The following UGGT2 variants were observed in gnomAD, a reference collection of about 807,000 sequenced individuals.
UGGT2 encodes UDP-glucose:glycoprotein glucosyltransferase 2.
A neutral mutation model predicts 192.1 loss-of-function variants in UGGT2; 180 were observed. The ratio of observed to expected loss-of-function variants is 0.94; its 90% CI spans 0.83 to 1.06. The LOEUF (loss-of-function observed/expected upper bound fraction) is 1.06, where lower values mean the gene tolerates loss of function less well. Ranked by LOEUF, UGGT2 falls within the 50% of genes least tolerant of loss-of-function variation. UGGT2 has a pLI of 0.00. For missense variants in UGGT2, 1,849 were observed against 1,795.7 expected (o/e 1.03, Z -0.54); for synonymous variants, 580 against 591.0 (o/e 0.98, Z 0.27).
chr13:95,884,641 C>T lies in UGGT2; in HGVS notation c.3078G>A (p.Gly1026=). Residue 1026 remains glycine, a synonymous_variant, in exon 27 of 39, where the codon GGG becomes GGA. Coordinates refer to ENST00000376747, the MANE Select transcript of UGGT2 (RefSeq NM_020121.4). ...RFVLEPELMS[G]ANDVSSLGPV... ...GTCCAAGAGAAGAAACGTCATTAGC[C>T]CCTGACATCAGTTCTGGTTCCAGAA... 1.2e-6 allele frequency: 2 copies of T among 1,613,376 alleles called. No homozygotes were observed. Among genetic ancestry groups the T allele is most frequent in the Non-Finnish European group, 1.7e-6 (2 of 1,179,612 alleles).
At chr13:95,884,782 T>A in intron 26 of UGGT2, 102 bp from the exon 27 acceptor site, 2 of 1,176,340 alleles carry the variant, frequency 1.7e-6, no homozygotes, top group African/African-American at 1.6e-5. Context: ...ACCAGAAGTC[T>A]ACAATCAAAA....
chr13:95,991,465 T>C lies in UGGT2; in HGVS notation c.831-1392A>G, dbSNP rs1333510293. ...GAAAACACGTATTTTCAATAGTCAA[T>C]AGACAAGCCTTTGAAAAGTGAAATA... On this transcript the variant is annotated intron_variant, in intron 7 of 38. Transcript: ENST00000376747. 8.8e-6 allele frequency: 4 copies of C among 454,692 alleles called. No homozygotes were observed. In the East Asian group the frequency reaches 2.8e-4, roughly 32 times the overall value. The allele number at this position is 454,692 out of a possible 1,614,324, so 28.2% of individuals were successfully genotyped here. A position where few individuals can be genotyped will look rare whatever the true frequency, so the allele number is the denominator to read the frequency against.
intron 5 of UGGT2, among the ~76,000 whole-genome samples, chr13:96,002,740 C>G (rs913082730): frequency 6.6e-6 from 1 of 152,146 alleles, no homozygotes; most frequent in Non-Finnish European, 1.5e-5. Context: ...ATGTGAAGAA[C>G]ACTGAGGGAA....
In UGGT2 at chr13:95,801,721, C is replaced by T. The variant is rs1396928137; in HGVS notation, c.*69G>A. The T allele has an allele frequency of 1.4e-5, 21 of 1,552,592 alleles. No homozygotes were observed. Among genetic ancestry groups the T allele is most frequent in the Non-Finnish European group, 4.4e-6 (5 of 1,133,898 alleles). ...GACTTCCAAATCGTCTCAGCAGGGG[C>T]TCCAGACTTCCCCAGCAGGCGGCAG... is the stretch of plus-strand genomic sequence containing the variant. On this transcript the variant is annotated 3_prime_UTR_variant, in exon 39 of 39. Transcript: ENST00000376747.
At position 96,053,375 on chromosome 13, in the gene UGGT2, T is replaced by G; in HGVS notation, c.-63A>C. On this transcript the variant is annotated 5_prime_UTR_variant, in exon 1 of 39. Coordinates refer to ENST00000376747, the MANE Select transcript of UGGT2 (RefSeq NM_020121.4). The stretch of plus-strand genomic sequence containing the variant: ...ACCCACAGTCTGTGGCCGCCACGCT[T>G]CGGCCGGCTCTTCCCGCTGCGCGGC... 1 of 1,529,388 alleles carries G rather than the reference T, an allele frequency of 6.5e-7. No individual in the cohort carries two copies. Among genetic ancestry groups the G allele is most frequent in the Admixed American group, 2.0e-5 (1 of 49,642 alleles). 94.7% of individuals were successfully genotyped at this position (1,529,388 alleles called of 1,614,324 possible). A position where few individuals can be genotyped will look rare whatever the true frequency, so the allele number is the denominator to read the frequency against.
chr13:96,035,693 G>A (rs1002840261), intron 1 of UGGT2, among the ~76,000 whole-genome samples: 8 of 147,952 alleles, frequency 5.4e-5, no homozygotes, highest in Non-Finnish European at 8.9e-5. Flanking sequence ...AGTCTATAAG[G>A]AACTTCAACA....
At chr13:96,030,653 A>G (rs1041013731) in intron 2 of UGGT2, among the ~76,000 whole-genome samples, 1 of 152,188 alleles carries the variant, frequency 6.6e-6, no homozygotes, top group Non-Finnish European at 1.5e-5. Flanking sequence ...AAAATAATAA[A>G]CTATTTTAAT....
chr13:96,026,017 A>C (rs1303710765), intron 2 of UGGT2, among the ~76,000 whole-genome samples: 1 of 152,122 alleles, frequency 6.6e-6, no homozygotes. Context: ...GTATACTTGT[A>C]GACCCTAAGG....
chr13:95,955,486 CT>C (rs2050186465), intron 12 of UGGT2, among the ~76,000 whole-genome samples: 1 of 152,152 alleles, frequency 6.6e-6, no homozygotes, highest in Non-Finnish European at 1.5e-5. Context: ...TCATAAGGTT[CT>C]TTTCTGTTAG....
chr13:95,988,144 T>C (rs777028042), intron 8 of UGGT2, among the ~76,000 whole-genome samples: 44 of 152,034 alleles, frequency 2.9e-4, no homozygotes, highest in Non-Finnish European at 5.4e-4. Context: ...AATGTTTCCA[T>C]CTAGTTGCAA....
chr13:95,846,673 A>G (rs1888498619), intron 36 of UGGT2, among the ~76,000 whole-genome samples: 1 of 152,182 alleles, frequency 6.6e-6, no homozygotes, highest in South Asian at 2.1e-4. Context: ...TTAAAGTTTG[A>G]TAGAATTCAC....
intron 12 of UGGT2, among the ~76,000 whole-genome samples, chr13:95,952,545 AT>A (rs1311622255): frequency 6.6e-6 from 1 of 152,096 alleles, no homozygotes; most frequent in Non-Finnish European, 1.5e-5. Flanking sequence ...TAAAATTTGT[AT>A]TTTTTTATTG....
intron 10 of UGGT2, among the ~76,000 whole-genome samples, chr13:95,978,515 A>G (rs1447684295): frequency 6.6e-6 from 1 of 152,176 alleles, no homozygotes; most frequent in Non-Finnish European, 1.5e-5. Flanking sequence ...CTCTGTACAG[A>G]ACATTTTTAT....
At chr13:95,943,713 T>C (rs895580961) in intron 15 of UGGT2, among the ~76,000 whole-genome samples, 2 of 152,072 alleles carry the variant, frequency 1.3e-5, no homozygotes, top group Non-Finnish European at 2.9e-5. Flanking sequence ...GAGTCTCCTC[T>C]GTAGGCAAGT....
chr13:95,881,153 T>G (rs773884059), intron 27 of UGGT2, among the ~76,000 whole-genome samples: 1 of 152,138 alleles, frequency 6.6e-6, no homozygotes, highest in African/African-American at 2.4e-5. Context: ...ATCACGCCAC[T>G]GCACTCCAGT....
At chr13:95,905,117 T>A (rs2048242068) in intron 20 of UGGT2, among the ~76,000 whole-genome samples, 1 of 152,194 alleles carries the variant, frequency 6.6e-6, no homozygotes, top group Admixed American at 6.5e-5. Flanking sequence ...TCTGTTCATG[T>A]CCTTCGCCCA....
intron 37 of UGGT2, among the ~76,000 whole-genome samples, chr13:95,833,382 C>G (rs137947534): frequency 1.3e-5 from 2 of 152,164 alleles, no homozygotes; most frequent in African/African-American, 4.8e-5. Flanking sequence ...ACATAGCAGA[C>G]TAGTGTGCTT....
At chr13:95,879,879 C>T (rs1594217371) in intron 27 of UGGT2, among the ~76,000 whole-genome samples, 1 of 152,114 alleles carries the variant, frequency 6.6e-6, no homozygotes, top group East Asian at 1.9e-4. Context: ...TCAAATATAA[C>T]CTTGAGAATG....
chr13:96,003,760 G>A (rs185470293), intron 5 of UGGT2, among the ~76,000 whole-genome samples: 2 of 152,220 alleles, frequency 1.3e-5, no homozygotes, highest in Non-Finnish European at 2.9e-5. Flanking sequence ...CTCTAATCTA[G>A]TACTGAATGA....
Sources: allele counts gnomAD v4.1 joint callset (sites outside exome capture counted in the v4.1 genomes callset), GRCh38; gene constraint gnomAD v4.1.1; transcripts MANE v1.5; gene names NCBI Gene and HGNC (gene_info 2026-07-23, HGNC 2026-07-21).